The following FAM186B variants were observed in gnomAD, a reference collection of about 807,000 sequenced individuals.
The protein encoded by FAM186B is protein FAM186B.
FAM186B carries 68 observed loss-of-function variants against 83.4 expected under a neutral mutation model. That is an observed-to-expected ratio of 0.81 (90% CI 0.67 to 1.00). The LOEUF is 1.00. FAM186B is among the 50% of genes least tolerant of loss of function. FAM186B has a pLI of 0.00. For synonymous variants in FAM186B, 389 were observed against 422.0 expected, an observed-to-expected ratio of 0.92 and a Z score of 0.96; for missense variants, 983 against 1,099.2, an observed-to-expected ratio of 0.89 and a Z score of 1.49.
At chr12:49,595,183 C>T in intron 5 of FAM186B, 1 of 515,040 alleles carries the variant, frequency 1.9e-6, no homozygotes, top group South Asian at 1.9e-5. Context: ...AGACGGTCAT[C>T]CTGTAGATGT....
In FAM186B at chr12:49,604,423, G is replaced by A. The variant is rs770281626; in HGVS notation, c.212C>T (p.Pro71Leu). ...KENAKSQQRD[P>L]KGKKRFILLE... ...CAAGATGAATCTCTTCTTGCCCTTT[G>A]GATCTCTCTGCTGAGATTTGGCATT... Residue 71 changes from proline (P) to leucine (L), a missense_variant, in exon 2 of 7, where the codon CCA (proline) becomes CTA (leucine). Coordinates refer to ENST00000257894, the MANE Select transcript of FAM186B (RefSeq NM_032130.3). 4 of 1,614,110 alleles carry A rather than the reference G, an allele frequency of 2.5e-6. No individual in the cohort carries two copies. Among genetic ancestry groups the A allele is most frequent in the Non-Finnish European group, 3.4e-6 (4 of 1,180,048 alleles).
At chr12:49,607,792 T>C (rs1045074787), upstream of FAM186B, among the ~76,000 whole-genome samples, 5 of 152,082 alleles carry the variant, frequency 3.3e-5, no homozygotes, top group Admixed American at 6.6e-5. Flanking sequence ...CTCCACCTCC[T>C]GGGTTCAAGT....
the FAM186B span, chr12:49,619,448 A>G: frequency 3.4e-6 from 2 of 590,010 alleles, no homozygotes; most frequent in Non-Finnish European, 6.2e-6. Flanking sequence ...TTTTGCAGCA[A>G]TTGTTGCATA....
chr12:49,621,815 G>C, the FAM186B span, among the ~76,000 whole-genome samples: 1 of 152,180 alleles, frequency 6.6e-6, no homozygotes, highest in African/African-American at 2.4e-5. Context: ...AATCCCCTTG[G>C]ACCCCTTGCC....
Position 49,599,842 on chromosome 12 carries a change from T to C in FAM186B, c.1798A>G (p.Thr600Ala). Residue 600 changes from threonine (T) to alanine (A), a missense_variant, in exon 4 of 7, where the codon ACC becomes GCC. Transcript: ENST00000257894. ...RRPHLPMSPSTQQPALGKQRP... is the reference protein window; with the variant it reads ...RRPHLPMSPSAQQPALGKQRP... ...TGCTTTCCCAGGGCAGGCTGCTGGG[T>C]ACTAGGAGACATGGGCAAGTGTGGC... 6.2e-7 allele frequency: 1 copy of C among 1,609,998 alleles called. No individual in the cohort carries two copies. Among genetic ancestry groups the C allele is most frequent in the Non-Finnish European group, 8.5e-7 (1 of 1,177,716 alleles).
chr12:49,584,012 C>T (rs1370636286), downstream of FAM186B: 1 of 159,436 alleles, frequency 6.3e-6, no homozygotes, highest in African/African-American at 2.4e-5. Flanking sequence ...CAGAGACACG[C>T]TCACCTTTGC....
At chr12:49,590,937 GA>G (rs1478320950) in intron 5 of FAM186B, among the ~76,000 whole-genome samples, 1 of 152,096 alleles carries the variant, frequency 6.6e-6, no homozygotes, top group South Asian at 2.1e-4. Flanking sequence ...AATAGTATAG[GA>G]TTTTTTTTGA....
At chr12:49,597,619 G>A (rs1939759390) in intron 5 of FAM186B, among the ~76,000 whole-genome samples, 1 of 152,208 alleles carries the variant, frequency 6.6e-6, no homozygotes, top group Non-Finnish European at 1.5e-5. Context: ...GCCCTTGCCA[G>A]AGGAGAGAGA....
At chr12:49,622,728 G>A in the FAM186B span, 2 of 152,254 alleles carry the variant, frequency 1.3e-5, no homozygotes, top group Non-Finnish European at 2.9e-5. Flanking sequence ...CGCGAGTCCC[G>A]GCTCAGGTGA....
chr12:49,591,701 T>C (rs1252865292), intron 5 of FAM186B, among the ~76,000 whole-genome samples: 2 of 152,152 alleles, frequency 1.3e-5, no homozygotes, highest in East Asian at 1.9e-4. Context: ...TGTACAGTTG[T>C]CCCTTGCTAT....
chr12:49,620,533 G>C, the FAM186B span, among the ~76,000 whole-genome samples: 1 of 152,024 alleles, frequency 6.6e-6, no homozygotes, highest in Non-Finnish European at 1.5e-5. Context: ...AAAGTGCATG[G>C]AATATAACTT....
upstream of FAM186B, among the ~76,000 whole-genome samples, chr12:49,606,437 G>A (rs541344503): frequency 5.3e-5 from 8 of 151,778 alleles, no homozygotes; most frequent in Admixed American, 2.0e-4. Flanking sequence ...CAAGGCTGCA[G>A]TGAGCCATGT....
rs1241374848 is a variant in FAM186B at position 49,604,623 on chromosome 12, G to A, written c.97-85C>T. ...CTAGCAGCGTGACCTTGGACAAGTC[G>A]CTTAGCCTCTTTGGGTCTCAGTTTT... On this transcript the variant is annotated intron_variant, in intron 1 of 6. Transcript: ENST00000257894. The A allele has an allele frequency of 9.2e-6, 10 of 1,087,364 alleles. No homozygotes were observed. The East Asian group carries it at 1.2e-4, about 13-fold the overall frequency. The allele number at this position is 1,087,364 out of a possible 1,614,324, so 67.4% of individuals were successfully genotyped here.
rs1368564789 is a variant in FAM186B, at chr12:49,605,493, C to G, written c.-16G>C. 1.2e-6 allele frequency: 2 copies of G among 1,609,950 alleles called. No homozygotes were observed. The highest frequency in any genetic ancestry group is 1.7e-6 in the Non-Finnish European group (2 of 1,178,074). ...CCTTCTCCATTTTGGATCACTCTGT[C>G]AGTCACAAAACATCCTGTGTTTCTG... On this transcript the variant is annotated 5_prime_UTR_variant, in exon 1 of 7. The change abolishes the stop of an existing upstream ORF in the 5' untranslated region. Transcript: ENST00000257894.
chr12:49,598,759 G>A lies in FAM186B; in HGVS notation c.2360C>T (p.Pro787Leu). 1 of 1,605,390 alleles carries A rather than the reference G, an allele frequency of 6.2e-7. No individual in the cohort carries two copies. The highest frequency in any genetic ancestry group is 8.5e-7 in the Non-Finnish European group (1 of 1,177,838). Residue 787 changes from proline (P) to leucine (L), a missense_variant, in exon 5 of 7, where the codon CCC (proline) becomes CTC (leucine). By Grantham distance (98) the Pro-to-Leu change is moderately conservative. Transcript: ENST00000257894. Reference protein sequence around the residue: ...ECLSSMVTMFPKLQLEWNVHL... With the variant: ...ECLSSMVTMFLKLQLEWNVHL... ...GGGTCAGGGCGGGAGGCCCACCTTG[G>A]GGAACATGGTCACCATGCTGCTCAG...
At chr12:49,615,371 C>G in the FAM186B span, among the ~76,000 whole-genome samples, 1 of 152,158 alleles carries the variant, frequency 6.6e-6, no homozygotes, top group South Asian at 2.1e-4. Flanking sequence ...AAGCTACTGA[C>G]TAGACTAAAA....
intron 5 of FAM186B, chr12:49,594,331 T>C: frequency 1.2e-5 from 2 of 171,084 alleles, no homozygotes; most frequent in East Asian, 1.8e-4. Flanking sequence ...CATTGTTGTA[T>C]AGCTTTCGGT....
In FAM186B at chr12:49,603,143, C is replaced by T. The variant is rs150663919; in HGVS notation, c.505+42G>A. 288 of 1,608,482 alleles carry T rather than the reference C, an allele frequency of 1.8e-4. 2 individuals carry two copies. In the African/African-American group the frequency reaches 2.9e-3, roughly 16 times the overall value. ...GACTTCCCCTGCCATGGCTCCACCC[C>T]GTCCCCACCTAGCTCCCTGGCCAGG... On this transcript the variant is annotated intron_variant, in intron 3 of 6. Transcript: ENST00000257894.
chr12:49,604,398 C>A lies in FAM186B; in HGVS notation c.237G>T (p.Leu79Phe). Residue 79 changes from leucine to phenylalanine, a missense_variant, in exon 2 of 7, where the codon TTG (leucine) becomes TTT (phenylalanine). Leu to Phe is a conservative substitution (Grantham distance 22). Transcript: ENST00000257894. ...TGGAGAAGGAGGCAATTTTTTCCAG[C>A]AAGATGAATCTCTTCTTGCCCTTTG... ...RDPKGKKRFILLEKIASFSKD... is the reference protein window; with the variant it reads ...RDPKGKKRFIFLEKIASFSKD... The A allele has an allele frequency of 6.2e-7, 1 of 1,614,246 alleles. No homozygotes were observed. The highest frequency in any genetic ancestry group is 8.5e-7 in the Non-Finnish European group (1 of 1,180,044).
Sources: allele counts gnomAD v4.1 joint callset (sites outside exome capture counted in the v4.1 genomes callset), GRCh38; gene constraint gnomAD v4.1.1; transcripts MANE v1.5; gene names NCBI Gene and HGNC (gene_info 2026-07-23, HGNC 2026-07-21).